MCM9: variants seen among roughly 807,000 people sequenced by gnomAD.
The protein encoded by MCM9 is DNA helicase MCM9.
MCM9 carries 55 observed loss-of-function variants against 72.8 expected under a neutral mutation model. The observed-to-expected ratio is 0.76, with a 90% CI of 0.61 to 0.95. The LOEUF (loss-of-function observed/expected upper bound fraction) is 0.95, where lower values mean the gene tolerates loss of function less well. Among genes scored for constraint, MCM9 ranks in the 40% least tolerant of loss-of-function variants. The probability of loss-of-function intolerance (pLI) is 0.00; values close to 1 mark genes in which losing one functional copy is unlikely to be tolerated. For missense variants in MCM9, 1,279 were observed against 1,377.0 expected (o/e 0.93, Z 1.13); for synonymous variants, 480 against 503.4 (o/e 0.95, Z 0.62).
intron 5 of MCM9, chr6:118,919,406 C>G (rs1583667662): frequency 6.6e-6 from 1 of 152,184 alleles, no homozygotes; most frequent in Non-Finnish European, 1.5e-5. Context: ...ATATTTACAT[C>G]ACAGTACTAT....
At position 118,931,683 on chromosome 6, in the gene MCM9, T is replaced by G; in HGVS notation, c.41A>C (p.Glu14Ala). The G allele has an allele frequency of 6.2e-7, 1 of 1,613,902 alleles. No individual in the cohort carries two copies. Among genetic ancestry groups the G allele is most frequent in the East Asian group, 2.2e-5 (1 of 44,870 alleles). Residue 14 changes from glutamate (E) to alanine (A), a missense_variant, in exon 3 of 14, where the codon GAG (glutamate) becomes GCG (alanine). Glu to Ala is a moderately radical substitution (Grantham distance 107). Coordinates refer to ENST00000619706, the MANE Select transcript of MCM9 (RefSeq NM_017696.3). ...CTTATGGTATTCCGAAACATATGAC[T>G]CAAACACTTGACCAACCAGTGTAAC... is the stretch of plus-strand genomic sequence containing the variant. ...DQVTLVGQVFESYVSEYHKND... is the reference protein window; with the variant it reads ...DQVTLVGQVFASYVSEYHKND...
intron 8 of MCM9, among the ~76,000 whole-genome samples, chr6:118,901,283 T>C (rs1240214759): frequency 6.6e-6 from 1 of 152,204 alleles, no homozygotes; most frequent in Non-Finnish European, 1.5e-5. Flanking sequence ...ATATGCATCT[T>C]CAGTTTATGG....
intron 8 of MCM9, among the ~76,000 whole-genome samples, chr6:118,900,168 G>C (rs1463487775): frequency 2.1e-5 from 3 of 145,800 alleles, no homozygotes; most frequent in Admixed American, 6.9e-5. Context: ...TATGACACAG[G>C]GGGGTGCCGT....
In MCM9 at chr6:118,828,012, G is replaced by A. The variant is rs1774279540; in HGVS notation, c.1647C>T (p.Tyr549=). ...AATCACTCTGCCTTTGCATCTGGTAGTACCGGAGAAGAACCTGATTGCCCA... is the reference window on the plus strand; with the variant it reads ...AATCACTCTGCCTTTGCATCTGGTAATACCGGAGAAGAACCTGATTGCCCA... ...SDVGNQVLLR[Y]YQMQRQSDCR... is the part of the protein sequence containing the mutation. The change falls in exon 11 of 14, where the codon TAC becomes TAT. Residue 549 remains tyrosine, a synonymous_variant. Coordinates refer to ENST00000619706, the MANE Select transcript of MCM9 (RefSeq NM_017696.3). The A allele has an allele frequency of 1.3e-6, 2 of 1,550,916 alleles. No individual in the cohort carries two copies. Among genetic ancestry groups the A allele is most frequent in the East Asian group, 2.4e-5 (1 of 40,926 alleles).
intron 8 of MCM9, among the ~76,000 whole-genome samples, chr6:118,898,083 A>C (rs1227959549): frequency 3.9e-5 from 6 of 152,196 alleles, no homozygotes; most frequent in Non-Finnish European, 7.3e-5. Flanking sequence ...TTTTCAGAAG[A>C]AGCCCGGGGT....
intron 8 of MCM9, among the ~76,000 whole-genome samples, chr6:118,859,612 A>G (rs974356766): frequency 2.6e-5 from 4 of 152,228 alleles, no homozygotes; most frequent in Non-Finnish European, 4.4e-5. Flanking sequence ...AATGGCTCAC[A>G]GTGGAAAAAT....
At chr6:118,888,435 C>T (rs1409024529) in intron 8 of MCM9, among the ~76,000 whole-genome samples, 1 of 152,102 alleles carries the variant, frequency 6.6e-6, no homozygotes, top group African/African-American at 2.4e-5. Flanking sequence ...TGCAGTGAGC[C>T]GAGATCACGC....
chr6:118,934,675 C>G (rs1406128981), intron 1 of MCM9: 1 of 152,200 alleles, frequency 6.6e-6, no homozygotes, highest in Non-Finnish European at 1.5e-5. Flanking sequence ...TGGAGGCATG[C>G]TTTCCAAACT....
intron 8 of MCM9, chr6:118,908,129 G>T (rs1490143140): frequency 1.3e-5 from 2 of 152,484 alleles, no homozygotes; most frequent in Non-Finnish European, 2.9e-5. Context: ...AGAACTTTAG[G>T]ATCCAATTTT....
At chr6:118,837,900 T>C (rs1194517306) in intron 9 of MCM9, among the ~76,000 whole-genome samples, 1 of 152,216 alleles carries the variant, frequency 6.6e-6, no homozygotes. Flanking sequence ...GATCCTGTTA[T>C]TATGATGCTA....
At chr6:118,910,261 C>T (rs946459120) in intron 8 of MCM9, among the ~76,000 whole-genome samples, 1 of 151,292 alleles carries the variant, frequency 6.6e-6, no homozygotes, top group African/African-American at 2.4e-5. Flanking sequence ...TGGTTTTGAC[C>T]CACTGAATTG....
intron 8 of MCM9, among the ~76,000 whole-genome samples, chr6:118,882,247 T>C (rs188742858): frequency 1.3e-5 from 2 of 152,290 alleles, no homozygotes; most frequent in African/African-American, 2.4e-5. Flanking sequence ...GCTGGAGCAG[T>C]AGCTCAGAGA....
chr6:118,856,568 T>A (rs922280712), intron 8 of MCM9, 23 bp from the exon 9 acceptor site: 1 of 1,534,642 alleles, frequency 6.5e-7, no homozygotes. Context: ...GCAAGCCATA[T>A]CAACTTTTAT....
chr6:118,911,708 A>C lies in MCM9; in HGVS notation c.1092T>G (p.Tyr364Ter). ...CAGATCTTGGTGTAATCTTTGCTGCATATTTGAGGAACTGAGATTTCCCTG... is the reference window on the plus strand; with the variant it reads ...CAGATCTTGGTGTAATCTTTGCTGCCTATTTGAGGAACTGAGATTTCCCTG... ...PGTGKSQFLK[Y>*]AAKITPRSVL... Residue 364 changes from tyrosine to a stop codon, truncating the protein, a stop_gained, in exon 8 of 14, where the codon TAT (tyrosine) becomes TAG (stop). Transcript: ENST00000619706. LOFTEE classifies it high-confidence loss of function. 1 of 1,613,846 alleles carries C rather than the reference A, an allele frequency of 6.2e-7. No homozygotes were observed. The highest frequency in any genetic ancestry group is 1.1e-5 in the South Asian group (1 of 91,076).
intron 12 of MCM9, 101 bp downstream of exon 12, chr6:118,826,681 T>C: frequency 1.2e-6 from 1 of 817,034 alleles, no homozygotes; most frequent in South Asian, 1.8e-5. Flanking sequence ...GTCTAGAATA[T>C]GAGCATTTTA....
intron 8 of MCM9, among the ~76,000 whole-genome samples, chr6:118,857,790 A>G (rs1265518471): frequency 1.3e-5 from 2 of 152,128 alleles, no homozygotes; most frequent in Non-Finnish European, 2.9e-5. Flanking sequence ...AATTTTTTTG[A>G]AATATGCAAA....
chr6:118,850,086 A>G (rs1421251981), intron 9 of MCM9, among the ~76,000 whole-genome samples: 1 of 151,996 alleles, frequency 6.6e-6, no homozygotes, highest in Non-Finnish European at 1.5e-5. Context: ...CAAATGTTAT[A>G]AGTGAATGAA....
chr6:118,844,760 G>A (rs1171823982), intron 9 of MCM9, among the ~76,000 whole-genome samples: 2 of 151,798 alleles, frequency 1.3e-5, no homozygotes, highest in Non-Finnish European at 1.5e-5. Flanking sequence ...CTTTTCTCAT[G>A]AAGAGTTACC....
At chr6:118,931,763 T>C in intron 2 of MCM9, 25 bp from the exon 3 acceptor site, 1 of 1,504,972 alleles carries the variant, frequency 6.6e-7, no homozygotes, top group Non-Finnish European at 8.9e-7. Flanking sequence ...AAGGATCATA[T>C]TATATATTTG....
Sources: gnomAD v4.1 joint callset for allele counts (sites outside exome capture counted in the v4.1 genomes callset) on GRCh38, gnomAD v4.1.1 for gene constraint, MANE v1.5 for transcripts, NCBI Gene and HGNC (gene_info 2026-07-23, HGNC 2026-07-21) for gene names.